GRK5: variants seen among roughly 807,000 people sequenced by gnomAD.
GRK5 encodes the protein g protein-coupled receptor kinase GRK5.
In GRK5, 40 loss-of-function variants were observed where a neutral mutation model predicts 78.4. That is an observed-to-expected ratio of 0.51 (90% CI 0.40 to 0.66). GRK5 has a LOEUF of 0.66. Ranked by LOEUF, GRK5 falls within the 30% of genes least tolerant of loss-of-function variation. The pLI is 0.00. For synonymous variants in GRK5, 289 were observed against 296.8 expected (o/e 0.97, Z 0.27); for missense variants, 598 against 759.9 (o/e 0.79, Z 2.50).
At position 119,238,917 on chromosome 10, in the gene GRK5, G is replaced by T. The variant is rs1304562073; in HGVS notation, c.52+30948G>T. ...ATGAAAGAGCAGAAAAAGCTGAGCA[G>T]AAAACTTTGTTTTGGAAAAGGGGGT... is the stretch of plus-strand genomic sequence containing the variant. On this transcript the variant is annotated intron_variant, in intron 1 of 15. Transcript: ENST00000392870. This position sits in a 1 kb window ranked among gnomAD's most constrained non-coding sequence, Gnocchi z 4.7. 6.6e-6 allele frequency among the ~76,000 whole-genome samples: 1 copy of T among 152,124 alleles called. No homozygotes were observed. Among genetic ancestry groups the T allele is most frequent in the Non-Finnish European group, 1.5e-5 (1 of 68,024 alleles).
rs1042483382 is a variant in GRK5 at position 119,271,212 on chromosome 10, T to G, written c.53-55304T>G. Among the ~76,000 whole-genome samples, 6 of 151,632 alleles carry G rather than the reference T, an allele frequency of 4.0e-5. No homozygotes were observed. Among genetic ancestry groups the G allele is most frequent in the Non-Finnish European group, 5.9e-5 (4 of 67,922 alleles). Reference sequence around the variant, plus strand: ...CCCGGGCCACACGTGTACAGCCACATCCTCCACGCCCTTTGGGCGCTGGTC... The same window carrying G: ...CCCGGGCCACACGTGTACAGCCACAGCCTCCACGCCCTTTGGGCGCTGGTC... On this transcript the variant is annotated intron_variant, in intron 1 of 15. Transcript: ENST00000392870. This position sits in a 1 kb window ranked among gnomAD's most constrained non-coding sequence, Gnocchi z 4.1.
At chr10:119,246,019 C>CAAAAA (rs941734040) in intron 1 of GRK5, among the ~76,000 whole-genome samples, 4 of 14,028 alleles carry the variant, frequency 2.9e-4, no homozygotes, top group Non-Finnish European at 4.1e-4. Flanking sequence ...GACTCCATCT[C>CAAAAA]AAAAAAAAAA....
At chr10:119,360,523 G>A (rs2133808777) in intron 2 of GRK5, among the ~76,000 whole-genome samples, 1 of 151,478 alleles carries the variant, frequency 6.6e-6, no homozygotes, top group South Asian at 2.1e-4. Flanking sequence ...AGTGGGAGGA[G>A]CCTGTGTGAG....
chr10:119,215,587 G>A (rs1848558368), intron 1 of GRK5, among the ~76,000 whole-genome samples: 1 of 150,146 alleles, frequency 6.7e-6, no homozygotes, highest in South Asian at 2.1e-4. Context: ...AGTTGGGACT[G>A]ACTCACCTAA....
chr10:119,401,390 G>A (rs1267800848), intron 4 of GRK5, among the ~76,000 whole-genome samples: 1 of 152,214 alleles, frequency 6.6e-6, no homozygotes, highest in African/African-American at 2.4e-5. Flanking sequence ...CTTTGCTTTG[G>A]GGGTGTTACA....
intron 1 of GRK5, among the ~76,000 whole-genome samples, chr10:119,244,726 C>A (rs1418630382): frequency 2.0e-5 from 3 of 152,118 alleles, no homozygotes; most frequent in Non-Finnish European, 4.4e-5. Context: ...AGAGTTGAGA[C>A]CCTGTCTCAA....
chr10:119,252,473 G>C (rs1849219734), intron 1 of GRK5, among the ~76,000 whole-genome samples: 1 of 152,168 alleles, frequency 6.6e-6, no homozygotes, highest in South Asian at 2.1e-4. Context: ...CCTGAGCTGG[G>C]TGCAGAGGGC....
intron 1 of GRK5, among the ~76,000 whole-genome samples, chr10:119,276,586 C>T (rs908791998): frequency 1.2e-4 from 18 of 152,180 alleles, no homozygotes; most frequent in Non-Finnish European, 2.5e-4. Flanking sequence ...TTTATAGCAG[C>T]ATGATTTATA....
chr10:119,455,362 A>G lies in GRK5; in HGVS notation c.*295A>G. On this transcript the variant is annotated 3_prime_UTR_variant, in exon 16 of 16. Transcript: ENST00000392870. ...CACGTATTTTAATAGCGTCATAACT[A>G]GAACTGAATTTTGTCTTTATGATTT... 1 of 580,542 alleles carries G rather than the reference A, an allele frequency of 1.7e-6. No homozygotes were observed. The highest frequency in any genetic ancestry group is 3.1e-6 in the Non-Finnish European group (1 of 319,446). The allele number at this position is 580,542 out of a possible 1,614,324, so 36.0% of individuals were successfully genotyped here.
chr10:119,426,719 CCACCGCCATCATCAGCAT>C (rs1044473557), intron 6 of GRK5, among the ~76,000 whole-genome samples: 3 of 151,990 alleles, frequency 2.0e-5, no homozygotes, highest in African/African-American at 4.8e-5. Flanking sequence ...CATCAATATC[CCACCGCCATCATCAGCAT>C]CACCGCCATC....
At chr10:119,313,066 T>C (rs1850404725) in intron 1 of GRK5, among the ~76,000 whole-genome samples, 8 of 151,204 alleles carry the variant, frequency 5.3e-5, no homozygotes, top group Admixed American at 2.0e-4. Context: ...ATGATGGTGG[T>C]GGTGATGGTG....
chr10:119,330,313 G>C (rs1051212354), intron 2 of GRK5: 2 of 122,796 alleles, frequency 1.6e-5, no homozygotes, highest in African/African-American at 6.1e-5. Context: ...GTCCTCATCA[G>C]TTTTTCCTGG....
intron 2 of GRK5, among the ~76,000 whole-genome samples, chr10:119,374,617 T>A (rs1851596281): frequency 1.3e-5 from 2 of 152,222 alleles, no homozygotes; most frequent in Non-Finnish European, 2.9e-5. Context: ...TATGTGCATG[T>A]GTCTTAGCAT....
At chr10:119,288,535 G>T (rs945198486) in intron 1 of GRK5, among the ~76,000 whole-genome samples, 1 of 152,174 alleles carries the variant, frequency 6.6e-6, no homozygotes, top group Non-Finnish European at 1.5e-5. Flanking sequence ...CAAGCTGAGG[G>T]ACCATCCCGT....
chr10:119,293,659 T>A (rs1286161017), intron 1 of GRK5, among the ~76,000 whole-genome samples: 3 of 151,920 alleles, frequency 2.0e-5, no homozygotes, highest in Admixed American at 2.0e-4. Flanking sequence ...TTGGGCCTCC[T>A]CGTCACTGCC....
chr10:119,290,449 TC>T (rs759718782), intron 1 of GRK5, among the ~76,000 whole-genome samples: 2 of 151,804 alleles, frequency 1.3e-5, no homozygotes, highest in Non-Finnish European at 1.5e-5. Flanking sequence ...ATTTCTTCTC[TC>T]GGACTTTTGC....
intron 1 of GRK5, among the ~76,000 whole-genome samples, chr10:119,261,730 C>T (rs1354964396): frequency 6.6e-6 from 1 of 152,242 alleles, no homozygotes; most frequent in Admixed American, 6.5e-5. Context: ...AACCCCGTCT[C>T]CACCAAAAAA....
intron 2 of GRK5, among the ~76,000 whole-genome samples, chr10:119,341,254 GA>G (rs1850976000): frequency 6.6e-6 from 1 of 152,166 alleles, no homozygotes; most frequent in African/African-American, 2.4e-5. Flanking sequence ...GGCTCTTTCT[GA>G]AATGTCAGTC....
In GRK5 at chr10:119,367,755, GC is replaced by G. The variant is rs985295434; in HGVS notation, c.149-13058del. ...GCTTCCTGTCCCTGTGAGTGCACAC[GC>G]CAGGGCTGGCTGAGCCCTTGATGGG... On this transcript the variant is annotated intron_variant, in intron 2 of 15. Transcript: ENST00000392870. Among the ~76,000 whole-genome samples, 5 of 152,218 alleles carry G rather than the reference GC, an allele frequency of 3.3e-5. 1 individual carries two copies. The highest frequency in any genetic ancestry group is 7.3e-5 in the Non-Finnish European group (5 of 68,034).
Sources: allele counts gnomAD v4.1 joint callset (sites outside exome capture counted in the v4.1 genomes callset), GRCh38; gene constraint gnomAD v4.1.1; non-coding constraint Gnocchi (gnomAD v3.1); transcripts MANE v1.5; gene names NCBI Gene and HGNC (gene_info 2026-07-23, HGNC 2026-07-21).